The following ZNF92 variants were observed in gnomAD, a reference collection of about 807,000 sequenced individuals.
ZNF92 encodes epididymis luminal protein 203.
ZNF92 carries 11 observed loss-of-function variants against 12.4 expected under a neutral mutation model. The observed-to-expected ratio is 0.89, with a 90% CI of 0.56 to 1.47. The LOEUF (loss-of-function observed/expected upper bound fraction) is 1.47, where lower values mean the gene tolerates loss of function less well. Ranked by LOEUF, ZNF92 falls within the 40% of genes most tolerant of loss-of-function variation. The probability of loss-of-function intolerance (pLI) is 0.00; values close to 1 mark genes in which losing one functional copy is unlikely to be tolerated. For missense variants in ZNF92, 622 were observed against 681.0 expected, an observed-to-expected ratio of 0.91 and a Z score of 0.96; for synonymous variants, 206 against 228.6, an observed-to-expected ratio of 0.90 and a Z score of 0.89.
intron 1 of ZNF92, among the ~76,000 whole-genome samples, chr7:65,378,634 C>A (rs1162593915): frequency 6.6e-6 from 1 of 151,470 alleles, no homozygotes; most frequent in East Asian, 2.0e-4. Flanking sequence ...CCCAGCTATT[C>A]GGGAGGCTGA....
chr7:65,395,913 C>CT (rs1458773578), intron 3 of ZNF92, among the ~76,000 whole-genome samples: 1 of 148,264 alleles, frequency 6.7e-6, no homozygotes, highest in African/African-American at 2.6e-5. Context: ...TGTATGCTTT[C>CT]TTATTTATTT....
intron 3 of ZNF92, among the ~76,000 whole-genome samples, chr7:65,395,952 A>G (rs1306315076): frequency 2.0e-5 from 3 of 151,982 alleles, no homozygotes; most frequent in Non-Finnish European, 2.9e-5. Flanking sequence ...CACTCTGTCA[A>G]CCAGGCTGGT....
intron 3 of ZNF92, among the ~76,000 whole-genome samples, chr7:65,394,564 A>T (rs1010343038): frequency 6.6e-6 from 1 of 152,154 alleles, no homozygotes; most frequent in African/African-American, 2.4e-5. Flanking sequence ...TATTTCTGTT[A>T]AAAACTGTGC....
Position 65,399,036 on chromosome 7 carries a change from A to G in ZNF92, c.922A>G (p.Met308Val), listed in dbSNP as rs767525066. 2 of 1,613,420 alleles carry G rather than the reference A, an allele frequency of 1.2e-6. No homozygotes were observed. The highest frequency in any genetic ancestry group is 2.2e-5 in the East Asian group (1 of 44,830). ...SILNKHKRIHMEDKPYKCEEC... is the reference protein window; with the variant it reads ...SILNKHKRIHVEDKPYKCEEC... ...TCTTAATAAACATAAGAGAATTCAT[A>G]TGGAAGATAAACCCTACAAATGTGA... is the stretch of plus-strand genomic sequence containing the variant. The change falls in exon 4 of 4, where the codon ATG becomes GTG. Residue 308 changes from methionine (M) to valine (V), a missense_variant. Coordinates refer to ENST00000328747, the MANE Select transcript of ZNF92 (RefSeq NM_152626.4).
chr7:65,387,605 T>C (rs73147137), intron 1 of ZNF92, among the ~76,000 whole-genome samples: 5,576 of 152,278 alleles, frequency 0.037, 171 homozygotes, highest in Non-Finnish European at 0.062. Context: ...CTGAAACATA[T>C]ACACTCAGAA....
chr7:65,386,209 G>A (rs1043085107), intron 1 of ZNF92, among the ~76,000 whole-genome samples: 3 of 151,826 alleles, frequency 2.0e-5, no homozygotes, highest in East Asian at 1.9e-4. Context: ...TGGTAGAGAC[G>A]GGGTTTCACC....
chr7:65,382,799 G>A (rs1319635250), intron 1 of ZNF92, among the ~76,000 whole-genome samples: 1 of 152,020 alleles, frequency 6.6e-6, no homozygotes, highest in Non-Finnish European at 1.5e-5. Flanking sequence ...TAAACTAGCG[G>A]CTCCACATTC....
intron 1 of ZNF92, among the ~76,000 whole-genome samples, chr7:65,374,919 G>A (rs553444960): frequency 2.0e-5 from 3 of 152,064 alleles, no homozygotes; most frequent in South Asian, 4.2e-4. Context: ...TAAATTTCCA[G>A]TTCCTTCTGA....
At position 65,398,932 on chromosome 7, in the gene ZNF92, C is replaced by G. The variant is rs373064091; in HGVS notation, c.818C>G (p.Thr273Ser). The change falls in exon 4 of 4, where the codon ACT becomes AGT. Residue 273 changes from threonine (T) to serine (S), a missense_variant. Coordinates refer to ENST00000328747, the MANE Select transcript of ZNF92 (RefSeq NM_152626.4). Reference sequence around the variant, plus strand: ...GCTTTTAACCGGTCCTCAACCCTTACTAAACATAAAAGAATTCATACAGAA... The same window carrying G: ...GCTTTTAACCGGTCCTCAACCCTTAGTAAACATAAAAGAATTCATACAGAA... ...GKAFNRSSTL[T>S]KHKRIHTEEK... 22 of 1,612,194 alleles carry G rather than the reference C, an allele frequency of 1.4e-5. No individual in the cohort carries two copies. In the African/African-American group the frequency reaches 2.7e-4, roughly 20 times the overall value.
intron 1 of ZNF92, among the ~76,000 whole-genome samples, chr7:65,383,338 C>T (rs1793475237): frequency 6.6e-6 from 1 of 152,166 alleles, no homozygotes; most frequent in South Asian, 2.1e-4. Context: ...TTTGCTGTAA[C>T]ACCCAAGAAT....
At chr7:65,395,984 A>G (rs1793839235) in intron 3 of ZNF92, among the ~76,000 whole-genome samples, 1 of 152,034 alleles carries the variant, frequency 6.6e-6, no homozygotes, top group Non-Finnish European at 1.5e-5. Context: ...TGATCATGGC[A>G]ATGAGCTGCA....
At position 65,392,538 on chromosome 7, in the gene ZNF92, A is replaced by ATT. The variant is rs35255435; in HGVS notation, c.226+3651_226+3652dup. On this transcript the variant is annotated intron_variant, in intron 3 of 3. Coordinates refer to ENST00000328747, the MANE Select transcript of ZNF92 (RefSeq NM_152626.4). ...AGACAGGAGCATCACTTGAGCCCAC[A>ATT]TTTTTTTTTTTTTTTGAGATGGAGT... Among the ~76,000 whole-genome samples the ATT allele has an allele frequency of 1.9e-3, 263 of 141,544 alleles. 2 individuals carry two copies. The highest frequency in any genetic ancestry group is 5.9e-3 in the South Asian group (26 of 4,414). The allele number at this position is 141,544 out of a possible 152,430, so 92.9% of individuals were successfully genotyped here. A position where few individuals can be genotyped will look rare whatever the true frequency, so the allele number is the denominator to read the frequency against.
chr7:65,380,653 A>G (rs537456339), intron 1 of ZNF92, among the ~76,000 whole-genome samples: 5 of 152,288 alleles, frequency 3.3e-5, no homozygotes, highest in East Asian at 1.9e-4. Context: ...TAGTGCTGCA[A>G]TGAAGATGCA....
intron 3 of ZNF92, among the ~76,000 whole-genome samples, chr7:65,393,719 T>C (rs1793781474): frequency 6.6e-6 from 1 of 152,136 alleles, no homozygotes; most frequent in African/African-American, 2.4e-5. Flanking sequence ...TTGTTTTTCA[T>C]TGTGCTTTTT....
intron 3 of ZNF92, among the ~76,000 whole-genome samples, chr7:65,394,672 G>A (rs1481321680): frequency 6.6e-6 from 1 of 151,954 alleles, no homozygotes; most frequent in African/African-American, 2.4e-5. Context: ...TTTTTGAGAC[G>A]TTGTTTCGCT....
At position 65,400,094 on chromosome 7, in the gene ZNF92, TGAG is replaced by T. The variant is rs1375061046; in HGVS notation, c.*220_*222del. 2.0e-5 allele frequency: 8 copies of T among 409,570 alleles called. No individual in the cohort carries two copies. Among genetic ancestry groups the T allele is most frequent in the African/African-American group, 1.6e-4 (8 of 49,376 alleles). The allele number at this position is 409,570 out of a possible 1,614,324, so 25.4% of individuals were successfully genotyped here. On this transcript the variant is annotated 3_prime_UTR_variant, in exon 4 of 4. Transcript: ENST00000328747. Reference sequence around the variant, plus strand: ...TATTGCACAGGAAAGCATTTATACTTGAGAAAAATTGTATAAAGAATATGGAAA... The same window carrying T: ...TATTGCACAGGAAAGCATTTATACTTAAAAATTGTATAAAGAATATGGAAA...
chr7:65,382,660 C>T (rs527580800), intron 1 of ZNF92, among the ~76,000 whole-genome samples: 32 of 152,132 alleles, frequency 2.1e-4, no homozygotes, highest in Admixed American at 1.6e-3. Flanking sequence ...CTGTGGGGCC[C>T]GTTAGAGTAA....
At chr7:65,390,071 A>G (rs953832637) in intron 3 of ZNF92, among the ~76,000 whole-genome samples, 1 of 152,126 alleles carries the variant, frequency 6.6e-6, no homozygotes, top group African/African-American at 2.4e-5. Context: ...TTTTAATGGT[A>G]TTACAAATAA....
Position 65,376,290 on chromosome 7 carries a change from T to C in ZNF92, c.3+2290T>C, listed in dbSNP as rs185766930. On this transcript the variant is annotated intron_variant, in intron 1 of 3. Transcript: ENST00000328747. ...AATATTTTTTTTTACTTATTTTGAC[T>C]TTCATTTTATTAGGGCTTGAAAGGT... 4.2e-4 allele frequency among the ~76,000 whole-genome samples: 64 copies of C among 152,232 alleles called. 1 individual carries two copies. The highest frequency in any genetic ancestry group is 1.5e-3 in the African/African-American group (62 of 41,550).
Sources: gnomAD v4.1 joint callset for allele counts (sites outside exome capture counted in the v4.1 genomes callset) on GRCh38, gnomAD v4.1.1 for gene constraint, MANE v1.5 for transcripts, NCBI Gene and HGNC (gene_info 2026-07-23, HGNC 2026-07-21) for gene names.